The following COPG2 variants were observed in gnomAD, a reference collection of about 807,000 sequenced individuals.
The protein encoded by COPG2 is coat protein complex I subunit gamma 2.
A neutral mutation model predicts 46.3 loss-of-function variants in COPG2; 37 were observed. The observed-to-expected ratio is 0.80, with a 90% CI of 0.61 to 1.05. The LOEUF is 1.05. COPG2 is among the 50% of genes least tolerant of loss of function. The pLI is 0.00. For missense variants in COPG2, 427 were observed against 387.8 expected (o/e 1.10, Z -0.85); for synonymous variants, 159 against 129.7 (o/e 1.23, Z -1.53).
intron 12 of COPG2, among the ~76,000 whole-genome samples, chr7:130,558,148 A>G (rs1373366264): frequency 1.3e-5 from 2 of 151,944 alleles, no homozygotes; most frequent in Non-Finnish European, 2.9e-5. Flanking sequence ...TTTTTTTTAG[A>G]TAAGGTAATG....
intron 9 of COPG2, among the ~76,000 whole-genome samples, chr7:130,569,785 G>A (rs1793864628): frequency 6.6e-6 from 1 of 152,096 alleles, no homozygotes; most frequent in African/African-American, 2.4e-5. Flanking sequence ...TATCCCTGAT[G>A]AACACAGACA....
At chr7:130,646,983 GTATA>G (rs200102751) in intron 5 of COPG2, among the ~76,000 whole-genome samples, 72 of 18,444 alleles carry the variant, frequency 3.9e-3, no homozygotes, top group African/African-American at 4.6e-3. Context: ...ATATATATAT[GTATA>G]TATATATATG....
At chr7:130,610,879 A>G (rs1407430964) in intron 9 of COPG2, 74 bp downstream of exon 9, 2 of 1,517,266 alleles carry the variant, frequency 1.3e-6, no homozygotes, top group African/African-American at 1.4e-5. Context: ...AAAAAAATTC[A>G]AAAAGGAAAT....
intron 9 of COPG2, among the ~76,000 whole-genome samples, chr7:130,594,440 A>C (rs1794487058): frequency 6.6e-6 from 1 of 152,188 alleles, no homozygotes; most frequent in Non-Finnish European, 1.5e-5. Flanking sequence ...AATCTTTGTG[A>C]CCTTGAATTA....
intron 2 of COPG2, among the ~76,000 whole-genome samples, chr7:130,667,181 CTA>C (rs1364460540): frequency 6.6e-6 from 1 of 152,182 alleles, no homozygotes; most frequent in Non-Finnish European, 1.5e-5. Flanking sequence ...CAATACTTAT[CTA>C]TATCATACTA....
At chr7:130,543,556 A>C (rs1793378680) in intron 20 of COPG2, among the ~76,000 whole-genome samples, 1 of 152,198 alleles carries the variant, frequency 6.6e-6, no homozygotes. Flanking sequence ...CAGTTCTACT[A>C]GCTAAGGATG....
At chr7:130,667,590 T>C (rs1382435580) in intron 1 of COPG2, 56 bp from the exon 2 acceptor site, 9 of 1,413,076 alleles carry the variant, frequency 6.4e-6, no homozygotes, top group Middle Eastern at 1.8e-4. Flanking sequence ...CACAAACTTA[T>C]ATACTTTCCA....
chr7:130,571,611 G>A (rs1486393106), intron 9 of COPG2, among the ~76,000 whole-genome samples: 1 of 152,058 alleles, frequency 6.6e-6, no homozygotes, highest in Non-Finnish European at 1.5e-5. Flanking sequence ...TGTGAACTAG[G>A]ACAACCACTA....
chr7:130,508,608 G>C lies in COPG2; in HGVS notation c.2201C>G (p.Pro734Arg). The C allele has an allele frequency of 1.3e-6, 1 of 776,924 alleles. No individual in the cohort carries two copies. The highest frequency in any genetic ancestry group is 2.4e-6 in the Non-Finnish European group (1 of 416,512). The allele number at this position is 776,924 out of a possible 1,614,324, so 48.1% of individuals were successfully genotyped here. A position where few individuals can be genotyped will look rare whatever the true frequency, so the allele number is the denominator to read the frequency against. Residue 734 changes from proline (P) to arginine (R), a missense_variant, in exon 21 of 24, where the codon CCT becomes CGT. Coordinates refer to ENST00000425248, the MANE Select transcript of COPG2 (RefSeq NM_012133.6). ...ATCCTCATCTGGAACTCCAGTGTTA[G>C]GGTCACAGTCCCGGACTGTAAACTT... ...TMKFTVRDCD[P>R]NTGVPDEDGY...
chr7:130,648,304 A>G (rs1044183100), intron 5 of COPG2, among the ~76,000 whole-genome samples: 15 of 152,190 alleles, frequency 9.9e-5, no homozygotes, highest in East Asian at 3.9e-4. Flanking sequence ...GAAGTCCAAC[A>G]TAAGTCTCAC....
At chr7:130,569,483 T>C (rs965115999) in intron 9 of COPG2, among the ~76,000 whole-genome samples, 1 of 151,872 alleles carries the variant, frequency 6.6e-6, no homozygotes, top group African/African-American at 2.4e-5. Context: ...CCTGGAAATA[T>C]ACAAACCCTC....
At chr7:130,549,642 A>G (rs1793504644) in intron 17 of COPG2, among the ~76,000 whole-genome samples, 1 of 152,250 alleles carries the variant, frequency 6.6e-6, no homozygotes, top group Non-Finnish European at 1.5e-5. Context: ...AATTACTCAG[A>G]AAAGGAAAAA....
At chr7:130,509,459 A>AT (rs1799560659) in intron 20 of COPG2, 8 of 378,758 alleles carry the variant, frequency 2.1e-5, no homozygotes, top group South Asian at 1.6e-4. Context: ...GGTACAAAAA[A>AT]TATTAGATAT....
chr7:130,552,927 T>C (rs1422046617), intron 14 of COPG2, among the ~76,000 whole-genome samples: 2 of 152,210 alleles, frequency 1.3e-5, no homozygotes, highest in African/African-American at 4.8e-5. Context: ...GAGAGACAAT[T>C]ACAAGACATC....
chr7:130,647,865 G>C (rs1371199561), intron 5 of COPG2, among the ~76,000 whole-genome samples: 1 of 151,778 alleles, frequency 6.6e-6, no homozygotes, highest in African/African-American at 2.4e-5. Context: ...TGAGTAGCTG[G>C]GACTACAGAT....
At chr7:130,521,965 T>C (rs1157659727) in intron 20 of COPG2, among the ~76,000 whole-genome samples, 1 of 152,072 alleles carries the variant, frequency 6.6e-6, no homozygotes, top group African/African-American at 2.4e-5. Flanking sequence ...GATTGAGTAG[T>C]ATACTTAAAT....
rs572756127 is a variant in COPG2 at position 130,631,915 on chromosome 7, T to C, written c.324-14850A>G. Among the ~76,000 whole-genome samples the C allele has an allele frequency of 1.5e-3, 232 of 152,336 alleles. 1 individual carries two copies. The highest frequency in any genetic ancestry group is 3.4e-3 in the Middle Eastern group (1 of 294). ...ATCCCTTTTATAATTAATGTGACTC[T>C]GTCAGAGATAAATTCTTTCAGCGGT... On this transcript the variant is annotated intron_variant, in intron 5 of 23. Transcript: ENST00000425248.
intron 8 of COPG2, 25 bp downstream of exon 8, chr7:130,612,127 A>G (rs781891483): frequency 6.6e-7 from 1 of 1,503,874 alleles, no homozygotes; most frequent in Non-Finnish European, 9.2e-7. Context: ...TCCTGAGACA[A>G]GCTAATGTGA....
chr7:130,530,543 A>C (rs1048890468), intron 20 of COPG2, among the ~76,000 whole-genome samples: 12 of 152,330 alleles, frequency 7.9e-5, no homozygotes, highest in Admixed American at 6.5e-4. Context: ...CAGTGAGAGC[A>C]GGTCAAAGTA....
Sources: gnomAD v4.1 joint callset for allele counts (sites outside exome capture counted in the v4.1 genomes callset) on GRCh38, gnomAD v4.1.1 for gene constraint, MANE v1.5 for transcripts, NCBI Gene and HGNC (gene_info 2026-07-23, HGNC 2026-07-21) for gene names.